Variants in FBXW8 observed in about 807,000 individuals in gnomAD.
FBXW8 encodes the protein F-box/WD repeat-containing protein 8.
A neutral mutation model predicts 65.3 loss-of-function variants in FBXW8; 57 were observed. That is an observed-to-expected ratio of 0.87 (90% CI 0.71 to 1.09). The LOEUF (loss-of-function observed/expected upper bound fraction) is 1.09. FBXW8 is among the 50% of genes least tolerant of loss of function. FBXW8 has a pLI of 0.00. For missense variants in FBXW8, 777 were observed against 814.8 expected, an observed-to-expected ratio of 0.95 and a Z score of 0.57; for synonymous variants, 308 against 330.2, an observed-to-expected ratio of 0.93 and a Z score of 0.73.
rs1478577782 is a variant in FBXW8 at position 117,029,213 on chromosome 12, C to T, written c.*1041C>T. On this transcript the variant is annotated 3_prime_UTR_variant, in exon 11 of 11. Transcript: ENST00000652555. ...AGCTCAGATGCACAAAGATTCACAC[C>T]ATACAGGCCAAATTATAGAATCCCC... 1 of 152,254 alleles carries T rather than the reference C, an allele frequency of 6.6e-6. No homozygotes were observed. The highest frequency in any genetic ancestry group is 6.5e-5 in the Admixed American group (1 of 15,276). The allele number at this position is 152,254 out of a possible 1,614,324, so 9.4% of individuals were successfully genotyped here. A position where few individuals can be genotyped will look rare whatever the true frequency, so the allele number is the denominator to read the frequency against.
In FBXW8 at chr12:116,973,269, C is replaced by T. The variant is rs752122530; in HGVS notation, c.835+8415C>T. Among the ~76,000 whole-genome samples the T allele has an allele frequency of 4.6e-5, 7 of 152,148 alleles. No individual in the cohort carries two copies. In the East Asian group the frequency reaches 9.6e-4, roughly 21 times the overall value. ...AGCATGATGGGATTAGAAAATTACA[C>T]ATTGGCAACCATCACAGTAATAATT... On this transcript the variant is annotated intron_variant, in intron 5 of 10. Transcript: ENST00000652555.
intron 1 of FBXW8, among the ~76,000 whole-genome samples, chr12:116,915,518 C>A (rs528826959): frequency 6.6e-6 from 1 of 152,174 alleles, no homozygotes; most frequent in East Asian, 1.9e-4. Context: ...ATGTCAGAAC[C>A]ACCTCCCCTG....
Position 116,931,188 on chromosome 12 carries a change from C to T in FBXW8, c.423+3061C>T, listed in dbSNP as rs1423178484. 2.0e-5 allele frequency among the ~76,000 whole-genome samples: 3 copies of T among 152,186 alleles called. 1 individual carries two copies. Among genetic ancestry groups the T allele is most frequent in the Admixed American group, 1.3e-4 (2 of 15,288 alleles). On this transcript the variant is annotated intron_variant, in intron 2 of 10. Transcript: ENST00000652555. ...AGCACCTTCATTGAAAATCAGTTGA[C>T]TGTAAATGCACAGGCTTATTTCTGG...
At chr12:116,953,489 C>T (rs887393185) in intron 4 of FBXW8, among the ~76,000 whole-genome samples, 97 of 152,234 alleles carry the variant, frequency 6.4e-4, no homozygotes, top group African/African-American at 2.1e-3. Context: ...CAAAAGCAGC[C>T]GGCTGGGCGC....
At chr12:116,966,655 A>G (rs77743635) in intron 5 of FBXW8, among the ~76,000 whole-genome samples, 2,300 of 152,198 alleles carry the variant, frequency 0.015, 52 homozygotes, top group African/African-American at 0.046. Flanking sequence ...AATTGTCTTC[A>G]TTGCCCTCAT....
At chr12:116,943,833 T>G (rs1882761369) in intron 2 of FBXW8, among the ~76,000 whole-genome samples, 1 of 152,210 alleles carries the variant, frequency 6.6e-6, no homozygotes, top group Non-Finnish European at 1.5e-5. Flanking sequence ...TAGCAGTGCC[T>G]CCTCAGGCAG....
At position 117,024,169 on chromosome 12, in the gene FBXW8, A is replaced by G; in HGVS notation, c.1390A>G (p.Ser464Gly). The G allele has an allele frequency of 1.2e-6, 2 of 1,614,042 alleles. No homozygotes were observed. Among genetic ancestry groups the G allele is most frequent in the Non-Finnish European group, 1.7e-6 (2 of 1,179,996 alleles). The change falls in exon 9 of 11, where the codon AGT (serine) becomes GGT (glycine). Residue 464 changes from serine to glycine, a missense_variant. By Grantham distance (56) the Ser-to-Gly change is moderately conservative. Coordinates refer to ENST00000652555, the MANE Select transcript of FBXW8 (RefSeq NM_153348.3). Reference protein sequence around the residue: ...DGRVRIHDLRSGNIALSLSAH... With the variant: ...DGRVRIHDLRGGNIALSLSAH... Reference sequence around the variant, plus strand: ...CAGGGTGAGGATCCACGACCTCCGCAGTGGTAACATCGCCCTGTCGCTCTC... The same window carrying G: ...CAGGGTGAGGATCCACGACCTCCGCGGTGGTAACATCGCCCTGTCGCTCTC...
chr12:117,027,008 AGAT>A (rs1403256753), intron 9 of FBXW8, among the ~76,000 whole-genome samples: 1 of 152,076 alleles, frequency 6.6e-6, no homozygotes, highest in African/African-American at 2.4e-5. Flanking sequence ...AGTGCTCCAT[AGAT>A]GATGGAGAGC....
chr12:116,934,643 T>A (rs1471341304), intron 2 of FBXW8, among the ~76,000 whole-genome samples: 2 of 152,222 alleles, frequency 1.3e-5, no homozygotes, highest in African/African-American at 4.8e-5. Context: ...AAAATTATTA[T>A]AAATTCATAG....
chr12:117,028,206 G>A lies in FBXW8; in HGVS notation c.*34G>A, dbSNP rs372402119. On this transcript the variant is annotated 3_prime_UTR_variant, in exon 11 of 11. Coordinates refer to ENST00000652555, the MANE Select transcript of FBXW8 (RefSeq NM_153348.3). The surrounding 1 kb of genome is among the most constrained non-coding windows in gnomAD (Gnocchi z 4.1). ...CTCAGTTGGGAGCAAGGAGAAAAATGGGAAGAACCAGTTTTATCCATCTTA... is the reference window on the plus strand; with the variant it reads ...CTCAGTTGGGAGCAAGGAGAAAAATAGGAAGAACCAGTTTTATCCATCTTA... 4.3e-6 allele frequency: 7 copies of A among 1,609,884 alleles called. No homozygotes were observed. The highest frequency in any genetic ancestry group is 5.9e-6 in the Non-Finnish European group (7 of 1,177,456).
At chr12:116,915,168 A>C (rs911503852) in intron 1 of FBXW8, among the ~76,000 whole-genome samples, 2 of 152,234 alleles carry the variant, frequency 1.3e-5, no homozygotes, top group African/African-American at 4.8e-5. Flanking sequence ...AGTGGTTGCA[A>C]GCCCCAGAGC....
intron 1 of FBXW8, among the ~76,000 whole-genome samples, chr12:116,926,222 A>C (rs1593045495): frequency 6.6e-6 from 1 of 152,230 alleles, no homozygotes; most frequent in East Asian, 1.9e-4. Flanking sequence ...CAATGCCTGC[A>C]AGTCTCTAAC....
At chr12:117,022,069 C>G (rs1294410596) in intron 8 of FBXW8, among the ~76,000 whole-genome samples, 15 of 152,134 alleles carry the variant, frequency 9.9e-5, no homozygotes, top group African/African-American at 2.9e-4. Flanking sequence ...CCTCCTTTTC[C>G]TAGGCTGTGG....
chr12:116,989,462 T>G (rs1274492362), intron 7 of FBXW8, among the ~76,000 whole-genome samples: 1 of 152,262 alleles, frequency 6.6e-6, no homozygotes. Context: ...ATTTTCAAAT[T>G]GCCCTTCTAA....
chr12:117,000,954 T>C (rs1293681829), intron 7 of FBXW8, among the ~76,000 whole-genome samples: 1 of 152,208 alleles, frequency 6.6e-6, no homozygotes, highest in African/African-American at 2.4e-5. Flanking sequence ...GCTCCTTTTG[T>C]TGCCCATGTA....
At chr12:116,979,952 C>T (rs1885197397) in intron 5 of FBXW8, among the ~76,000 whole-genome samples, 1 of 152,140 alleles carries the variant, frequency 6.6e-6, no homozygotes, top group Non-Finnish European at 1.5e-5. Flanking sequence ...GGTCCCTCCC[C>T]AGGCCCTCTC....
chr12:116,926,155 G>A (rs538240663), intron 1 of FBXW8, among the ~76,000 whole-genome samples: 364 of 152,300 alleles, frequency 2.4e-3, no homozygotes, highest in Non-Finnish European at 4.3e-3. Context: ...CATCAGAATA[G>A]CATCAAGTCC....
Position 116,985,297 on chromosome 12 carries a change from G to C in FBXW8, c.927G>C (p.Gln309His). The stretch of plus-strand genomic sequence containing the variant: ...GAATACAGGCACTAGCCCTCAGCCA[G>C]GACGATGCAACCGTGGCCACAGCTT... ...DARIQALALS[Q>H]DDATVATASA... Residue 309 changes from glutamine to histidine, a missense_variant, in exon 6 of 11, where the codon CAG becomes CAC. Gln to His is a conservative substitution (Grantham distance 24, BLOSUM62 0). Coordinates refer to ENST00000652555, the MANE Select transcript of FBXW8 (RefSeq NM_153348.3). 6.2e-7 allele frequency: 1 copy of C among 1,614,216 alleles called. No individual in the cohort carries two copies. The highest frequency in any genetic ancestry group is 8.5e-7 in the Non-Finnish European group (1 of 1,180,038).
intron 10 of FBXW8, 58 bp downstream of exon 10, chr12:117,027,562 C>T: frequency 3.8e-6 from 5 of 1,303,852 alleles, no homozygotes; most frequent in Non-Finnish European, 5.4e-6. Context: ...TGTATAGAAC[C>T]CCACCCCCCC....
Sources: gnomAD v4.1 joint callset for allele counts (sites outside exome capture counted in the v4.1 genomes callset) on GRCh38, gnomAD v4.1.1 for gene constraint, Gnocchi (gnomAD v3.1) non-coding constraint, MANE v1.5 for transcripts, NCBI Gene and HGNC (gene_info 2026-07-23, HGNC 2026-07-21) for gene names.